Variants in ZNF236 observed in about 807,000 individuals in gnomAD.
ZNF236 encodes zinc finger protein 236.
A neutral mutation model predicts 191.2 loss-of-function variants in ZNF236; 50 were observed. That is an observed-to-expected ratio of 0.26 (90% confidence interval 0.21 to 0.33). The LOEUF (loss-of-function observed/expected upper bound fraction) is 0.33. ZNF236 is among the 10% of genes least tolerant of loss of function. ZNF236 has a pLI of 1.00. For synonymous variants in ZNF236, 907 were observed against 928.8 expected, an observed-to-expected ratio of 0.98 and a Z score of 0.43; for missense variants, 1,754 against 2,374.5, an observed-to-expected ratio of 0.74 and a Z score of 5.43.
At chr18:76,829,133 T>G (rs2122382114) in intron 1 of ZNF236, among the ~76,000 whole-genome samples, 1 of 152,328 alleles carries the variant, frequency 6.6e-6, no homozygotes, top group African/African-American at 2.4e-5. Flanking sequence ...TTCCACACTT[T>G]CGGAATGCTT....
intron 1 of ZNF236, among the ~76,000 whole-genome samples, chr18:76,845,730 T>A (rs1975654900): frequency 6.6e-6 from 1 of 151,818 alleles, no homozygotes; most frequent in African/African-American, 2.4e-5. Flanking sequence ...ACACCTGTAA[T>A]CCCATCTACT....
At position 76,831,749 on chromosome 18, in the gene ZNF236, A is replaced by G. The variant is rs1180402717; in HGVS notation, c.55+9087A>G. ...AGCCATTCTGTTAGGCGTGTACTGG[A>G]TATCTCATTTTAATTTGCAATTTCC... is the stretch of plus-strand genomic sequence containing the variant. On this transcript the variant is annotated intron_variant, in intron 1 of 30. Coordinates refer to ENST00000320610, the MANE Select transcript of ZNF236 (RefSeq NM_001306089.2). Among the ~76,000 whole-genome samples, 5 of 152,246 alleles carry G rather than the reference A, an allele frequency of 3.3e-5. No individual in the cohort carries two copies. The South Asian group carries it at 8.3e-4, about 25-fold the overall frequency.
intron 13 of ZNF236, among the ~76,000 whole-genome samples, chr18:76,906,796 G>T (rs970819993): frequency 6.6e-6 from 1 of 152,206 alleles, no homozygotes; most frequent in African/African-American, 2.4e-5. Flanking sequence ...GCCTGTTGTT[G>T]CAGAGCTGCA....
chr18:76,834,490 C>T (rs1309528012), intron 1 of ZNF236: 6 of 421,852 alleles, frequency 1.4e-5, no homozygotes, highest in Admixed American at 2.6e-5. Context: ...TTCTACTTGG[C>T]GAGATTTGGC....
intron 1 of ZNF236, among the ~76,000 whole-genome samples, chr18:76,837,195 C>T (rs1048416990): frequency 6.7e-6 from 1 of 149,648 alleles, no homozygotes; most frequent in African/African-American, 2.4e-5. Context: ...CATGCCCAGC[C>T]TTCACAAAAG....
intron 11 of ZNF236, among the ~76,000 whole-genome samples, chr18:76,901,262 A>G (rs532164930): frequency 5.9e-5 from 9 of 152,370 alleles, no homozygotes; most frequent in African/African-American, 2.2e-4. Flanking sequence ...AAACATAGGA[A>G]TGAGAAAGAA....
intron 1 of ZNF236, among the ~76,000 whole-genome samples, chr18:76,831,920 T>C (rs1347873817): frequency 6.6e-6 from 1 of 152,248 alleles, no homozygotes; most frequent in Non-Finnish European, 1.5e-5. Context: ...GAGTTTTTTA[T>C]AGTCTCCTAT....
chr18:76,896,478 A>G (rs1361120691), intron 10 of ZNF236, among the ~76,000 whole-genome samples: 1 of 146,682 alleles, frequency 6.8e-6, no homozygotes, highest in African/African-American at 2.5e-5. Flanking sequence ...AGTACCACAC[A>G]CAAGTACAGC....
At chr18:76,956,907 C>T (rs1166345816) in intron 28 of ZNF236, among the ~76,000 whole-genome samples, 1 of 152,214 alleles carries the variant, frequency 6.6e-6, no homozygotes, top group Non-Finnish European at 1.5e-5. Flanking sequence ...GCCCAGCGGC[C>T]GTGGGCAGCA....
intron 25 of ZNF236, chr18:76,935,934 AG>A (rs1967982309): frequency 2.2e-6 from 1 of 455,654 alleles, no homozygotes; most frequent in African/African-American, 2.0e-5. Context: ...CGGCTGCTTC[AG>A]CGCTCGAGCC....
chr18:76,824,668 C>T (rs898502067), intron 1 of ZNF236, among the ~76,000 whole-genome samples: 1 of 152,208 alleles, frequency 6.6e-6, no homozygotes, highest in African/African-American at 2.4e-5. Flanking sequence ...CCCATTCCCC[C>T]AGTATCCCCA....
In ZNF236 at chr18:76,881,483, T is replaced by A; in HGVS notation, c.1388T>A (p.Met463Lys). The change falls in exon 9 of 31, where the codon ATG becomes AAG. Residue 463 changes from methionine (M) to lysine (K), a missense_variant. By Grantham distance (95) the Met-to-Lys change is moderately conservative. Around this residue, in one of 5 missense-constraint regions of ZNF236, gnomAD observed 126 missense variants for 110.9 expected, o/e 1.14. Transcript: ENST00000320610. ...AAACTGGATAAAAAAGAAAAAAAAA[T>A]GATAAAGAAGAAGTCACCGTTTCTA... ...PEKLDKKEKKMIKKKSPFLPG... is the reference protein window; with the variant it reads ...PEKLDKKEKKKIKKKSPFLPG... The A allele has an allele frequency of 6.2e-7, 1 of 1,612,194 alleles. No homozygotes were observed. Among genetic ancestry groups the A allele is most frequent in the South Asian group, 1.1e-5 (1 of 90,642 alleles).
chr18:76,942,207 C>T (rs537184002), intron 26 of ZNF236, among the ~76,000 whole-genome samples: 5 of 152,242 alleles, frequency 3.3e-5, no homozygotes, highest in East Asian at 3.9e-4. Context: ...AATGAGGAAA[C>T]GGACTAATAG....
intron 1 of ZNF236, among the ~76,000 whole-genome samples, chr18:76,831,739 C>T (rs930228199): frequency 7.9e-5 from 12 of 152,230 alleles, no homozygotes; most frequent in Admixed American, 4.6e-4. Flanking sequence ...TTCTGTTAGG[C>T]GTGTACTGGA....
chr18:76,875,466 T>C lies in ZNF236; in HGVS notation c.668-26T>C, dbSNP rs114003966. The C allele has an allele frequency of 9.5e-6, 14 of 1,479,404 alleles. No individual in the cohort carries two copies. The East Asian group carries it at 3.4e-4, about 36-fold the overall frequency. 91.6% of individuals were successfully genotyped at this position (1,479,404 alleles called of 1,614,324 possible). On this transcript the variant is annotated intron_variant, in intron 5 of 30. Coordinates refer to ENST00000320610, the MANE Select transcript of ZNF236 (RefSeq NM_001306089.2). The surrounding 1 kb of genome is among the most constrained non-coding windows in gnomAD (Gnocchi z 4.3). ...GATGCCCATACAATATGGAATTATA[T>C]TTTGATCATTTTTCTCCCACTCTAG... is the stretch of plus-strand genomic sequence containing the variant.
chr18:76,910,781 G>T lies in ZNF236; in HGVS notation c.2775G>T (p.Leu925=). The part of the protein sequence containing the change: ...LSTSFHQQSL[L]QAPSSDGMNV... Reference sequence around the variant, plus strand: ...CAAGCTTCCACCAGCAGAGCTTGCTGCAGGCTCCCAGCTCTGATGGGATGA... The same window carrying T: ...CAAGCTTCCACCAGCAGAGCTTGCTTCAGGCTCCCAGCTCTGATGGGATGA... The change falls in exon 16 of 31, where the codon CTG becomes CTT. Residue 925 remains leucine, a synonymous_variant. Transcript: ENST00000320610. 6.2e-7 allele frequency: 1 copy of T among 1,614,172 alleles called. No homozygotes were observed. Among genetic ancestry groups the T allele is most frequent in the Non-Finnish European group, 8.5e-7 (1 of 1,180,020 alleles).
intron 14 of ZNF236, among the ~76,000 whole-genome samples, chr18:76,909,142 G>A (rs1372447670): frequency 1.3e-5 from 2 of 151,796 alleles, no homozygotes; most frequent in South Asian, 2.1e-4. Context: ...TGGTGAAACC[G>A]TATCTCTACT....
intron 30 of ZNF236, among the ~76,000 whole-genome samples, chr18:76,967,789 C>T (rs926531872): frequency 1.3e-4 from 20 of 151,470 alleles, no homozygotes; most frequent in Admixed American, 8.6e-4. Flanking sequence ...GAGGGGAGCT[C>T]GACGGCTTTC....
At chr18:76,861,931 C>G (rs752857002) in intron 3 of ZNF236, among the ~76,000 whole-genome samples, 65 of 152,246 alleles carry the variant, frequency 4.3e-4, no homozygotes, top group Admixed American at 6.5e-5. Context: ...GTGGTGCGAT[C>G]CAGCTCACTG....
Sources: allele counts gnomAD v4.1 joint callset (sites outside exome capture counted in the v4.1 genomes callset), GRCh38; gene constraint gnomAD v4.1.1; regional missense constraint gnomAD v4.1.1; non-coding constraint Gnocchi (gnomAD v3.1); transcripts MANE v1.5; gene names NCBI Gene and HGNC (gene_info 2026-07-23, HGNC 2026-07-21).